PTPRN2: variants seen among roughly 807,000 people sequenced by gnomAD.
PTPRN2 encodes receptor-type tyrosine-protein phosphatase N2.
In PTPRN2, 74 loss-of-function variants were observed where a neutral mutation model predicts 118.8. That is an observed-to-expected ratio of 0.62 (90% CI 0.52 to 0.76). The LOEUF (loss-of-function observed/expected upper bound fraction) is 0.76. PTPRN2 is among the 30% of genes least tolerant of loss of function. PTPRN2 has a pLI of 0.00. For synonymous variants in PTPRN2, 641 were observed against 608.0 expected, an observed-to-expected ratio of 1.05 and a Z score of -0.80; for missense variants, 1,481 against 1,394.4, an observed-to-expected ratio of 1.06 and a Z score of -0.99.
rs1800066479 is a variant in PTPRN2, at chr7:157,576,685, GTCACGGTGCGCGTCT to G, written c.2696_2710del (p.Glu899_Thr904delinsAla). 11 of 1,611,856 alleles carry G rather than the reference GTCACGGTGCGCGTCT, an allele frequency of 6.8e-6. No individual in the cohort carries two copies. The highest frequency in any genetic ancestry group is 9.3e-6 in the Non-Finnish European group (11 of 1,178,934). ...ATACCAACTCAGGAAGTGGAACTGC[GTCACGGTGCGCGTCT>G]CGTTGGTCTGCAGGTTCTTCAGATA... is the stretch of plus-strand genomic sequence containing the variant. On this transcript the variant is annotated inframe_deletion, in exon 19 of 23. Coordinates refer to ENST00000389418, the MANE Select transcript of PTPRN2 (RefSeq NM_002847.5).
At chr7:157,771,310 C>T (rs1237669031) in intron 12 of PTPRN2, among the ~76,000 whole-genome samples, 2 of 152,216 alleles carry the variant, frequency 1.3e-5, no homozygotes, top group Non-Finnish European at 2.9e-5. Context: ...GAGCTGAGAG[C>T]AAAACAGGGC....
rs188923872 is a variant in PTPRN2, at chr7:157,757,381, C to T, written c.1789-74444G>A. Among the ~76,000 whole-genome samples, 23 of 152,274 alleles carry T rather than the reference C, an allele frequency of 1.5e-4. No individual in the cohort carries two copies. In the East Asian group the frequency reaches 4.3e-3, roughly 28 times the overall value. ...CAGAGCGGGAGAGCAGAGAGACATG[C>T]TCCACGCCGCAGGCCCAGCTCACCC... On this transcript the variant is annotated intron_variant, in intron 12 of 22. Transcript: ENST00000389418.
intron 12 of PTPRN2, among the ~76,000 whole-genome samples, chr7:157,722,826 G>C (rs1202007414): frequency 2.6e-5 from 4 of 151,896 alleles, no homozygotes; most frequent in Non-Finnish European, 5.9e-5. Context: ...AGGCGGTGCA[G>C]GGTGGGGCTC....
intron 12 of PTPRN2, among the ~76,000 whole-genome samples, chr7:157,809,650 G>T (rs79584850): frequency 6.6e-6 from 1 of 152,100 alleles, no homozygotes; most frequent in Non-Finnish European, 1.5e-5. Context: ...GGACGGAGAC[G>T]GAACGGAGTG....
chr7:158,059,390 GCC>G (rs1302246578), intron 11 of PTPRN2, among the ~76,000 whole-genome samples: 1 of 119,068 alleles, frequency 8.4e-6, no homozygotes, highest in Non-Finnish European at 1.6e-5. Flanking sequence ...CACTCCATCT[GCC>G]CACGGTGACA....
At chr7:157,889,257 A>C (rs1796659424) in intron 12 of PTPRN2, among the ~76,000 whole-genome samples, 1 of 146,956 alleles carries the variant, frequency 6.8e-6, no homozygotes, top group African/African-American at 2.5e-5. Flanking sequence ...ATCATTAATC[A>C]TCACCAGGCT....
At chr7:158,279,668 C>T (rs1028536046) in intron 3 of PTPRN2, among the ~76,000 whole-genome samples, 3 of 152,288 alleles carry the variant, frequency 2.0e-5, no homozygotes, top group South Asian at 2.1e-4. Flanking sequence ...GAACCTGCGC[C>T]GGCCCACAAG....
chr7:157,802,955 CATTTT>C (rs1227866470), intron 12 of PTPRN2, among the ~76,000 whole-genome samples: 1 of 152,110 alleles, frequency 6.6e-6, no homozygotes, highest in Non-Finnish European at 1.5e-5. Context: ...AGTCCCTATA[CATTTT>C]ATTTTATTAT....
chr7:157,757,730 CCT>C (rs1229285080), intron 12 of PTPRN2, among the ~76,000 whole-genome samples: 2 of 151,264 alleles, frequency 1.3e-5, no homozygotes, highest in Non-Finnish European at 2.9e-5. Context: ...AATTTAAAAA[CCT>C]AGCCTTGCAA....
At position 158,132,045 on chromosome 7, in the gene PTPRN2, A is replaced by T. The variant is rs565347749; in HGVS notation, c.1556+1632T>A. On this transcript the variant is annotated intron_variant, in intron 9 of 22. Transcript: ENST00000389418. ...CTATGACATATACACTCATACACAC[A>T]CAAATATGCACAAACCGATACACAT... Among the ~76,000 whole-genome samples, 12 of 151,818 alleles carry T rather than the reference A, an allele frequency of 7.9e-5. No homozygotes were observed. The South Asian group carries it at 2.5e-3, about 32-fold the overall frequency.
chr7:157,842,410 CTTTTTT>C (rs11316558), intron 12 of PTPRN2, among the ~76,000 whole-genome samples: 9 of 93,234 alleles, frequency 9.7e-5, no homozygotes, highest in East Asian at 4.0e-4. Context: ...ATTCAGGAGA[CTTTTTT>C]TTTTTTTTTT....
intron 1 of PTPRN2, among the ~76,000 whole-genome samples, chr7:158,556,139 GATA>G (rs2129450519): frequency 6.6e-6 from 1 of 152,348 alleles, no homozygotes; most frequent in Non-Finnish European, 1.5e-5. Context: ...GATGATGATA[GATA>G]ATGATAGAGG....
At chr7:158,363,534 C>T (rs1049032503) in intron 2 of PTPRN2, among the ~76,000 whole-genome samples, 8 of 152,226 alleles carry the variant, frequency 5.3e-5, no homozygotes, top group Non-Finnish European at 2.9e-5. Context: ...GCTTTCCTGA[C>T]CACCTGACCT....
In PTPRN2 at chr7:157,893,107, GAACA is replaced by G. The variant is rs1796896993; in HGVS notation, c.1788+5562_1788+5565del. On this transcript the variant is annotated intron_variant, in intron 12 of 22. Transcript: ENST00000389418. This position sits in a 1 kb window ranked among gnomAD's most constrained non-coding sequence, Gnocchi z 4.0. ...TGGTCTCCAGCATTTGGTGGAACGA[GAACA>G]AAGAAATGTCTGGAGAAGGCCAGGA... is the stretch of plus-strand genomic sequence containing the variant. 6.6e-6 allele frequency among the ~76,000 whole-genome samples: 1 copy of G among 152,242 alleles called. No homozygotes were observed. The highest frequency in any genetic ancestry group is 1.5e-5 in the Non-Finnish European group (1 of 68,042).
intron 12 of PTPRN2, among the ~76,000 whole-genome samples, chr7:157,844,686 C>T (rs532076498): frequency 6.6e-6 from 1 of 152,336 alleles, no homozygotes; most frequent in Admixed American, 6.5e-5. Context: ...ACTTCTAGTA[C>T]GAGAGGCTTG....
intron 12 of PTPRN2, among the ~76,000 whole-genome samples, chr7:157,725,366 G>C (rs1280119286): frequency 1.3e-4 from 6 of 45,222 alleles, no homozygotes; most frequent in Admixed American, 2.6e-4. Context: ...GAGGAGTGTG[G>C]CCAGACCCTC....
Position 157,813,551 on chromosome 7 carries a change from G to T in PTPRN2, c.1788+85122C>A, listed in dbSNP as rs906362040. Among the ~76,000 whole-genome samples, 2 of 152,186 alleles carry T rather than the reference G, an allele frequency of 1.3e-5. No individual in the cohort carries two copies. Among genetic ancestry groups the T allele is most frequent in the African/African-American group, 4.8e-5 (2 of 41,426 alleles). On this transcript the variant is annotated intron_variant, in intron 12 of 22. Coordinates refer to ENST00000389418, the MANE Select transcript of PTPRN2 (RefSeq NM_002847.5). This position sits in a 1 kb window ranked among gnomAD's most constrained non-coding sequence, Gnocchi z 4.7. ...GTGGTGATCCTACTCGTATAAAAAAGAAAGTTCAAATGCGCAGAAGAAAGA... is the reference window on the plus strand; with the variant it reads ...GTGGTGATCCTACTCGTATAAAAAATAAAGTTCAAATGCGCAGAAGAAAGA...
At chr7:158,049,543 C>T (rs1027426961) in intron 11 of PTPRN2, among the ~76,000 whole-genome samples, 2 of 152,166 alleles carry the variant, frequency 1.3e-5, no homozygotes, top group South Asian at 2.1e-4. Flanking sequence ...TTGAGGAACT[C>T]GGCCCAACAT....
intron 11 of PTPRN2, among the ~76,000 whole-genome samples, chr7:157,992,426 T>C (rs1019884662): frequency 1.3e-5 from 2 of 152,130 alleles, no homozygotes; most frequent in African/African-American, 2.4e-5. Context: ...AGCTGGCAGG[T>C]TGGGGGACCG....
Sources: allele counts gnomAD v4.1 joint callset (sites outside exome capture counted in the v4.1 genomes callset), GRCh38; gene constraint gnomAD v4.1.1; non-coding constraint Gnocchi (gnomAD v3.1); transcripts MANE v1.5; gene names NCBI Gene and HGNC (gene_info 2026-07-23, HGNC 2026-07-21).